Variants in HMG20B observed in about 807,000 individuals in gnomAD.
The protein encoded by HMG20B is high mobility group 20B.
A neutral mutation model predicts 41.6 loss-of-function variants in HMG20B; 24 were observed. That is an observed-to-expected ratio of 0.58 (90% CI 0.42 to 0.81). The LOEUF (loss-of-function observed/expected upper bound fraction) is 0.81. HMG20B is among the 30% of genes least tolerant of loss of function. The pLI is 0.00. For synonymous variants in HMG20B, 251 were observed against 186.6 expected (o/e 1.34, Z -2.81); for missense variants, 461 against 444.0 (o/e 1.04, Z -0.34).
intron 9 of HMG20B, 146 bp from the exon 10 acceptor site, chr19:3,578,363 C>T (rs2145259996): frequency 7.8e-7 from 1 of 1,276,934 alleles, no homozygotes; most frequent in Non-Finnish European, 1.1e-6. Context: ...ATCCCAGCGC[C>T]CGGGTTAGAT....
chr19:3,576,613 G>T lies in HMG20B; in HGVS notation c.580G>T (p.Asp194Tyr). 6.2e-7 allele frequency: 1 copy of T among 1,613,342 alleles called. No individual in the cohort carries two copies. The highest frequency in any genetic ancestry group is 8.5e-7 in the Non-Finnish European group (1 of 1,179,614). Residue 194 changes from aspartate (D) to tyrosine (Y), a missense_variant, in exon 7 of 10, where the codon GAC becomes TAC. By Grantham distance (160) the Asp-to-Tyr change is radical. Coordinates refer to ENST00000333651, the MANE Select transcript of HMG20B (RefSeq NM_006339.3). ...TCCCATCTTCACTGAAGAGTTCTTGGACCAAAACAAAGGTGAGCGGTAACT... is the reference window on the plus strand; with the variant it reads ...TCCCATCTTCACTGAAGAGTTCTTGTACCAAAACAAAGGTGAGCGGTAACT... The part of the protein sequence containing the change: ...DVPIFTEEFL[D>Y]QNKAREAELR...
In HMG20B at chr19:3,578,943, C is replaced by G. The variant is rs563967529; in HGVS notation, c.*422C>G. 1 of 412,846 alleles carries G rather than the reference C, an allele frequency of 2.4e-6. No homozygotes were observed. Among genetic ancestry groups the G allele is most frequent in the African/African-American group, 2.0e-5 (1 of 48,998 alleles). The allele number at this position is 412,846 out of a possible 1,614,324, so 25.6% of individuals were successfully genotyped here. ...GTGGGGACTTACCTGGGGTGTCCCC[C>G]GCATGCCTGTACCCCAGATGGGTGG... is the stretch of plus-strand genomic sequence containing the variant. On this transcript the variant is annotated 3_prime_UTR_variant, in exon 10 of 10. Transcript: ENST00000333651.
chr19:3,574,707 A>G (rs1599854457), intron 4 of HMG20B, 121 bp downstream of exon 4: 4 of 861,584 alleles, frequency 4.6e-6, no homozygotes, highest in South Asian at 3.6e-5. Flanking sequence ...ATGCCCACCC[A>G]TAACCAACTT....
intron 8 of HMG20B, 105 bp from the exon 9 acceptor site, chr19:3,577,876 G>C: frequency 9.4e-7 from 1 of 1,062,318 alleles, no homozygotes; most frequent in Non-Finnish European, 1.3e-6. Flanking sequence ...CCGGACCTCT[G>C]AGCGCCCGCG....
At position 3,578,747 on chromosome 19, in the gene HMG20B, G is replaced by C. The variant is rs201796756; in HGVS notation, c.*226G>C. ...CACTCGCTGCGCGATACACCCAGAA[G>C]AACCTCACAGCCGAGGGTGCCCCTC... On this transcript the variant is annotated 3_prime_UTR_variant, in exon 10 of 10. Transcript: ENST00000333651. 5 of 763,160 alleles carry C rather than the reference G, an allele frequency of 6.6e-6. No individual in the cohort carries two copies. The highest frequency in any genetic ancestry group is 3.4e-5 in the African/African-American group (2 of 58,868). 47.3% of individuals were successfully genotyped at this position (763,160 alleles called of 1,614,324 possible).
chr19:3,575,948 A>G (rs2032151511), intron 5 of HMG20B: 1 of 479,584 alleles, frequency 2.1e-6, no homozygotes, highest in African/African-American at 2.0e-5. Flanking sequence ...CGTCTCAAAA[A>G]AAAAAAAAAA....
At chr19:3,573,406 C>A in intron 2 of HMG20B, 59 bp downstream of exon 2, 6 of 1,453,082 alleles carry the variant, frequency 4.1e-6, no homozygotes, top group Non-Finnish European at 5.5e-6. Context: ...AGCCCTAGCT[C>A]CTGAACCCCT....
Position 3,578,017 on chromosome 19 carries a change from T to A in HMG20B, c.845T>A (p.Phe282Tyr). 1 of 1,608,096 alleles carries A rather than the reference T, an allele frequency of 6.2e-7. No homozygotes were observed. Among genetic ancestry groups the A allele is most frequent in the Non-Finnish European group, 8.5e-7 (1 of 1,178,462 alleles). ...ACGCCCACGCTGGGCACTCTGGACT[T>A]CTACATGGCCCGGCTTCACGGAGCC... is the stretch of plus-strand genomic sequence containing the variant. ...GETPTLGTLD[F>Y]YMARLHGAIE... Residue 282 changes from phenylalanine to tyrosine, a missense_variant, in exon 9 of 10, where the codon TTC becomes TAC. Transcript: ENST00000333651.
intron 1 of HMG20B, 56 bp from the exon 2 acceptor site, chr19:3,573,236 G>T: frequency 7.1e-7 from 1 of 1,414,720 alleles, no homozygotes; most frequent in Non-Finnish European, 9.4e-7. Flanking sequence ...CCCAGTTCGC[G>T]GTCTGCCATC....
chr19:3,577,193 T>TTCCCCC (rs2032186543), intron 8 of HMG20B, 86 bp downstream of exon 8: 37 of 925,980 alleles, frequency 4.0e-5, no homozygotes, highest in East Asian at 6.8e-5. Context: ...CCCCTTCCCC[T>TTCCCCC]GTCGCCCGGC....
In HMG20B at chr19:3,573,757, G is replaced by C. The variant is rs2032093388; in HGVS notation, c.104G>C (p.Gly35Ala). The change falls in exon 3 of 10, where the codon GGC becomes GCC. Residue 35 changes from glycine to alanine, a missense_variant. By Grantham distance (60) the Gly-to-Ala change is moderately conservative. Coordinates refer to ENST00000333651, the MANE Select transcript of HMG20B (RefSeq NM_006339.3). ...GTGGTGACTGTCAAGCAAGAGCGCG[G>C]CGAGGGTCCACGCGCGGGCGAGAAG... is the stretch of plus-strand genomic sequence containing the variant. ...GFVVTVKQERGEGPRAGEKGS... is the reference protein window; with the variant it reads ...GFVVTVKQERAEGPRAGEKGS... 1 of 1,556,370 alleles carries C rather than the reference G, an allele frequency of 6.4e-7. No homozygotes were observed. Among genetic ancestry groups the C allele is most frequent in the African/African-American group, 1.4e-5 (1 of 71,912 alleles).
chr19:3,574,322 C>T (rs1272539531), intron 3 of HMG20B, 61 bp from the exon 4 acceptor site: 4 of 1,474,764 alleles, frequency 2.7e-6, no homozygotes, highest in Non-Finnish European at 3.7e-6. Context: ...CGCCCATGCC[C>T]CTCTGAGCCC....
At chr19:3,573,255 C>A (rs2032080213) in intron 1 of HMG20B, 37 bp from the exon 2 acceptor site, 1 of 1,495,140 alleles carries the variant, frequency 6.7e-7, no homozygotes, top group Non-Finnish European at 8.9e-7. Context: ...TCGGGCAGCC[C>A]GGGCGCTACT....
chr19:3,574,705 C>T (rs1428118921), intron 4 of HMG20B, 119 bp downstream of exon 4: 2 of 886,144 alleles, frequency 2.3e-6, no homozygotes, highest in Non-Finnish European at 3.3e-6. Flanking sequence ...AAATGCCCAC[C>T]CATAACCAAC....
intron 9 of HMG20B, 196 bp from the exon 10 acceptor site, chr19:3,578,313 C>T (rs2032218309): frequency 1.8e-6 from 2 of 1,132,032 alleles, no homozygotes; most frequent in East Asian, 2.6e-5. Flanking sequence ...GCGGGACCCA[C>T]TCGGGGGCAC....
chr19:3,577,696 C>G (rs1193048012), intron 8 of HMG20B, among the ~76,000 whole-genome samples: 2 of 146,416 alleles, frequency 1.4e-5, no homozygotes, highest in East Asian at 4.2e-4. Flanking sequence ...CCCCAGCCCC[C>G]CGGTGTCATC....
chr19:3,573,819 A>G lies in HMG20B; in HGVS notation c.147+19A>G, dbSNP rs1457128376. ...GGAGGAGGTGAGAGTCCCTGCGCTG[A>G]GCTGGGGGAGGCCCCGGGCTCCCGC... is the stretch of plus-strand genomic sequence containing the variant. On this transcript the variant is annotated intron_variant, in intron 3 of 9. Coordinates refer to ENST00000333651, the MANE Select transcript of HMG20B (RefSeq NM_006339.3). The G allele has an allele frequency of 3.8e-6, 6 of 1,579,996 alleles. No individual in the cohort carries two copies. The highest frequency in any genetic ancestry group is 5.2e-6 in the Non-Finnish European group (6 of 1,160,442).
chr19:3,576,327 T>C lies in HMG20B; in HGVS notation c.519+20T>C. On this transcript the variant is annotated intron_variant, in intron 6 of 9. Coordinates refer to ENST00000333651, the MANE Select transcript of HMG20B (RefSeq NM_006339.3). ...CACAAGGTAAGCGACCTTCTTCCTC[T>C]CAAAGCACCTGGGGGAGAAAGGTCT... 6.3e-7 allele frequency: 1 copy of C among 1,597,524 alleles called. No homozygotes were observed.
Position 3,576,201 on chromosome 19 carries a change from T to C in HMG20B, c.473-60T>C, listed in dbSNP as rs542196630. 10 of 1,496,496 alleles carry C rather than the reference T, an allele frequency of 6.7e-6. No homozygotes were observed. The South Asian group carries it at 1.0e-4, about 15-fold the overall frequency. 92.7% of individuals were successfully genotyped at this position (1,496,496 alleles called of 1,614,324 possible). On this transcript the variant is annotated intron_variant, in intron 5 of 9. Coordinates refer to ENST00000333651, the MANE Select transcript of HMG20B (RefSeq NM_006339.3). Reference sequence around the variant, plus strand: ...CCGGCTGAGCAGCGCTGACCTAGGGTGCAGGGCGTGGTCCCTGGAGGCCTG... The same window carrying C: ...CCGGCTGAGCAGCGCTGACCTAGGGCGCAGGGCGTGGTCCCTGGAGGCCTG...
Sources: allele counts gnomAD v4.1 joint callset (sites outside exome capture counted in the v4.1 genomes callset), GRCh38; gene constraint gnomAD v4.1.1; transcripts MANE v1.5; gene names NCBI Gene and HGNC (gene_info 2026-07-23, HGNC 2026-07-21).